The following KCNAB1 variants were observed in gnomAD, a reference collection of about 807,000 sequenced individuals.
KCNAB1 encodes the protein voltage-gated potassium channel subunit beta-1.
A neutral mutation model predicts 64.6 loss-of-function variants in KCNAB1; 35 were observed. That is an observed-to-expected ratio of 0.54 (90% CI 0.41 to 0.72). KCNAB1 has a LOEUF of 0.72. KCNAB1 is among the 30% of genes least tolerant of loss of function. KCNAB1 has a pLI of 0.00. For missense variants in KCNAB1, 401 were observed against 512.9 expected (o/e 0.78, Z 2.11); for synonymous variants, 177 against 183.8 (o/e 0.96, Z 0.30).
In KCNAB1 at chr3:156,428,861, T is replaced by C. The variant is rs532151577; in HGVS notation, c.319+7202T>C. On this transcript the variant is annotated intron_variant, in intron 2 of 13. Transcript: ENST00000490337. ...GGAGAGAAAGAACACCCCCATACCT[T>C]TGGGTCCCTGTTTCACACATCCTCA... Among the ~76,000 whole-genome samples, 46 of 152,264 alleles carry C rather than the reference T, an allele frequency of 3.0e-4. 2 individuals are homozygous for C. Among genetic ancestry groups the C allele is most frequent in the African/African-American group, 1.0e-3 (42 of 41,546 alleles).
rs4056995 is a variant in KCNAB1, at chr3:156,428,488, T to TACACACACACACACACACAC, written c.319+6856_319+6875dup. ...GAGCCAATTCCTTATAATTCCTCTA[T>TACACACACACACACACACAC]ACACACACACACACACACACACACA... On this transcript the variant is annotated intron_variant, in intron 2 of 13. Coordinates refer to ENST00000490337, the MANE Select transcript of KCNAB1 (RefSeq NM_172160.3). Among the ~76,000 whole-genome samples the TACACACACACACACACACAC allele has an allele frequency of 4.2e-3, 540 of 127,530 alleles. 7 individuals carry two copies. Among genetic ancestry groups the TACACACACACACACACACAC allele is most frequent in the South Asian group, 0.012 (43 of 3,620 alleles). The allele number at this position is 127,530 out of a possible 152,430, so 83.7% of individuals were successfully genotyped here.
rs903051673 is a variant in KCNAB1 at position 156,362,219 on chromosome 3, A to G, written c.276-59397A>G. Among the ~76,000 whole-genome samples the G allele has an allele frequency of 6.1e-4, 93 of 152,362 alleles. 1 individual carries two copies. Among genetic ancestry groups the G allele is most frequent in the Middle Eastern group, 3.4e-3 (1 of 294 alleles). On this transcript the variant is annotated intron_variant, in intron 1 of 13. Coordinates refer to ENST00000490337, the MANE Select transcript of KCNAB1 (RefSeq NM_172160.3). ...GATTTTTCATTATTGATGCTCTTCT[A>G]TACATTCTAAATTTTCTAAAAGCGT...
intron 1 of KCNAB1, among the ~76,000 whole-genome samples, chr3:156,321,099 C>T (rs1722630380): frequency 6.6e-6 from 1 of 151,994 alleles, no homozygotes; most frequent in East Asian, 1.9e-4. Context: ...GATGCTGGAG[C>T]CCAGTAAGAG....
At chr3:156,240,058 G>A (rs1311358369) in intron 1 of KCNAB1, among the ~76,000 whole-genome samples, 1 of 152,130 alleles carries the variant, frequency 6.6e-6, no homozygotes, top group African/African-American at 2.4e-5. Flanking sequence ...GTGACTAATG[G>A]AAGACGTATT....
In KCNAB1 at chr3:156,457,450, C is replaced by T. The variant is rs201469801; in HGVS notation, c.358-3C>T. 115 of 1,613,784 alleles carry T rather than the reference C, an allele frequency of 7.1e-5. No individual in the cohort carries two copies. Among genetic ancestry groups the T allele is most frequent in the African/African-American group, 4.0e-5 (3 of 75,034 alleles). Reference sequence around the variant, plus strand: ...TCTGAGTGACCTTTCTCTCCCCTTGCAGGTTGCTGAACGGCTGATGACCAT... The same window carrying T: ...TCTGAGTGACCTTTCTCTCCCCTTGTAGGTTGCTGAACGGCTGATGACCAT... On this transcript the variant is annotated splice_polypyrimidine_tract_variant and splice_region_variant and intron_variant, in intron 3 of 13. Coordinates refer to ENST00000490337, the MANE Select transcript of KCNAB1 (RefSeq NM_172160.3).
At chr3:156,503,828 C>T (rs1356608254) in intron 8 of KCNAB1, among the ~76,000 whole-genome samples, 3 of 152,130 alleles carry the variant, frequency 2.0e-5, no homozygotes, top group Non-Finnish European at 4.4e-5. Context: ...TATTTTGCTA[C>T]CTGTATACAA....
chr3:156,517,520 A>C (rs188728791), intron 11 of KCNAB1, among the ~76,000 whole-genome samples: 373 of 152,386 alleles, frequency 2.4e-3, no homozygotes, highest in Admixed American at 6.3e-3. Flanking sequence ...CAGCAAAGAC[A>C]GACTAAAAGC....
chr3:156,232,748 T>C (rs1716608177), intron 1 of KCNAB1, among the ~76,000 whole-genome samples: 1 of 152,262 alleles, frequency 6.6e-6, no homozygotes, highest in Non-Finnish European at 1.5e-5. Flanking sequence ...AAATGTATTA[T>C]TAAGGTTTTA....
chr3:156,207,106 G>A (rs192429651), intron 1 of KCNAB1, among the ~76,000 whole-genome samples: 28 of 152,278 alleles, frequency 1.8e-4, no homozygotes, highest in Admixed American at 3.9e-4. Flanking sequence ...CACTCTCTTT[G>A]CTTCTCTACC....
chr3:156,528,187 A>AAGAG (rs71624596), intron 12 of KCNAB1, among the ~76,000 whole-genome samples: 3 of 151,152 alleles, frequency 2.0e-5, no homozygotes, highest in Non-Finnish European at 4.4e-5. Context: ...AAAAAAAAAA[A>AAGAG]AGAGAGAGAA....
intron 1 of KCNAB1, among the ~76,000 whole-genome samples, chr3:156,232,940 A>G (rs1716619683): frequency 6.6e-6 from 1 of 152,126 alleles, no homozygotes; most frequent in South Asian, 2.1e-4. Context: ...TCCTTGAGCT[A>G]AGAGGCCGTG....
chr3:156,259,886 A>G (rs903465953), intron 1 of KCNAB1, among the ~76,000 whole-genome samples: 12 of 152,160 alleles, frequency 7.9e-5, no homozygotes, highest in African/African-American at 2.4e-4. Flanking sequence ...CTCTGCAGCC[A>G]TTCTCCACTA....
intron 1 of KCNAB1, among the ~76,000 whole-genome samples, chr3:156,398,809 A>C (rs78887519): frequency 0.31 from 46,350 of 151,694 alleles, 9,634 homozygotes; most frequent in African/African-American, 0.6. Context: ...TGAGTGCTCC[A>C]AATATTTTCT....
At chr3:156,276,657 G>C (rs1267218799) in intron 1 of KCNAB1, among the ~76,000 whole-genome samples, 1 of 152,054 alleles carries the variant, frequency 6.6e-6, no homozygotes, top group Non-Finnish European at 1.5e-5. Flanking sequence ...TATGGAGATG[G>C]CTTCTTTCCT....
At chr3:156,277,129 C>T (rs533528037) in intron 1 of KCNAB1, among the ~76,000 whole-genome samples, 19 of 152,028 alleles carry the variant, frequency 1.2e-4, no homozygotes, top group African/African-American at 4.1e-4. Context: ...AATAGAAAGG[C>T]CCAAGGAAAA....
intron 1 of KCNAB1, among the ~76,000 whole-genome samples, chr3:156,164,009 C>T (rs895744440): frequency 6.6e-6 from 1 of 152,168 alleles, no homozygotes; most frequent in Admixed American, 6.5e-5. Context: ...TAATGCTAGG[C>T]ATCAAGACTG....
intron 2 of KCNAB1, among the ~76,000 whole-genome samples, chr3:156,433,593 G>A (rs1184445961): frequency 1.3e-5 from 2 of 152,196 alleles, no homozygotes; most frequent in African/African-American, 2.4e-5. Flanking sequence ...GAGGCAGAGA[G>A]ATAGAGGTAC....
intron 1 of KCNAB1, among the ~76,000 whole-genome samples, chr3:156,309,704 C>T (rs1256782792): frequency 1.3e-5 from 2 of 152,188 alleles, no homozygotes; most frequent in African/African-American, 4.8e-5. Flanking sequence ...TTGTGATCAG[C>T]ATCAAAGAAA....
intron 1 of KCNAB1, among the ~76,000 whole-genome samples, chr3:156,351,251 C>T (rs759282421): frequency 4.6e-5 from 7 of 152,202 alleles, no homozygotes; most frequent in South Asian, 2.1e-4. Flanking sequence ...AAATCAAACA[C>T]GGAATCTAGT....
Sources: allele counts gnomAD v4.1 joint callset (sites outside exome capture counted in the v4.1 genomes callset), GRCh38; gene constraint gnomAD v4.1.1; transcripts MANE v1.5; gene names NCBI Gene and HGNC (gene_info 2026-07-23, HGNC 2026-07-21).